MATN2: variants seen among roughly 807,000 people sequenced by gnomAD.
The protein encoded by MATN2 is matrilin 2, also known as matrilin-2.
MATN2 carries 69 observed loss-of-function variants against 103.2 expected under a neutral mutation model. That is an observed-to-expected ratio of 0.67 (90% CI 0.55 to 0.82). MATN2 has a LOEUF of 0.82. MATN2 is among the 40% of genes least tolerant of loss of function. The pLI is 0.00. For synonymous variants in MATN2, 429 were observed against 450.2 expected, an observed-to-expected ratio of 0.95 and a Z score of 0.60; for missense variants, 1,023 against 1,211.5, an observed-to-expected ratio of 0.84 and a Z score of 2.31.
intron 2 of MATN2, among the ~76,000 whole-genome samples, chr8:97,895,330 A>G (rs866349152): frequency 6.6e-6 from 1 of 152,240 alleles, no homozygotes; most frequent in Non-Finnish European, 1.5e-5. Flanking sequence ...CGTGGAAGCC[A>G]CTAGTCTTAA....
At chr8:97,878,581 C>T (rs146502372) in intron 1 of MATN2, among the ~76,000 whole-genome samples, 118 of 151,794 alleles carry the variant, frequency 7.8e-4, no homozygotes, top group South Asian at 2.7e-3. Context: ...CAGGCATGGT[C>T]GCTCATGCCT....
In MATN2 at chr8:97,875,333, G is replaced by C. The variant is rs190777738; in HGVS notation, c.-27+6046G>C. On this transcript the variant is annotated intron_variant, in intron 1 of 18. Coordinates refer to ENST00000254898, the MANE Select transcript of MATN2 (RefSeq NM_002380.5). ...TAAACTCTTCAAAATTTCTCCCGCA[G>C]CTCTCAGGTCTCTCAGTCCCTCTGT... 1.8e-3 allele frequency among the ~76,000 whole-genome samples: 269 copies of C among 152,282 alleles called. 1 individual carries two copies. The highest frequency in any genetic ancestry group is 6.1e-3 in the African/African-American group (255 of 41,550).
In MATN2 at chr8:98,007,357, G is replaced by A; in HGVS notation, c.1451-122G>A. The A allele has an allele frequency of 6.5e-7, 1 of 1,549,414 alleles. No homozygotes were observed. Among genetic ancestry groups the A allele is most frequent in the Non-Finnish European group, 8.8e-7 (1 of 1,135,104 alleles). The stretch of plus-strand genomic sequence containing the variant: ...CTTGCTCTGCTCCAGGAGATAGTGA[G>A]GATGTCCACTGGGACTGCATGCCTT... On this transcript the variant is annotated intron_variant, in intron 9 of 18. Transcript: ENST00000254898. This position sits in a 1 kb window ranked among gnomAD's most constrained non-coding sequence, Gnocchi z 4.2.
intron 15 of MATN2, 86 bp downstream of exon 15, chr8:98,030,700 TCA>T: frequency 7.5e-7 from 1 of 1,335,582 alleles, no homozygotes; most frequent in Non-Finnish European, 1.0e-6. Flanking sequence ...TCTCACTCTG[TCA>T]TCCAGGCTGG....
chr8:97,873,064 G>T (rs1817952663), intron 1 of MATN2, among the ~76,000 whole-genome samples: 1 of 152,072 alleles, frequency 6.6e-6, no homozygotes. Context: ...CAAAGTCCTG[G>T]GATCACATGC....
intron 1 of MATN2, 95 bp from the exon 2 acceptor site, chr8:97,887,980 C>A: frequency 8.1e-7 from 1 of 1,227,864 alleles, no homozygotes; most frequent in Non-Finnish European, 1.1e-6. Context: ...TCTGTTTGAA[C>A]TCTGAAAAGG....
intron 5 of MATN2, among the ~76,000 whole-genome samples, chr8:97,975,998 C>T (rs1447083305): frequency 1.3e-5 from 2 of 152,158 alleles, no homozygotes; most frequent in Non-Finnish European, 2.9e-5. Context: ...TATCCAATGA[C>T]GTTGAGATCC....
chr8:98,007,403 A>G lies in MATN2; in HGVS notation c.1451-76A>G, dbSNP rs1586150631. The G allele has an allele frequency of 3.8e-6, 6 of 1,576,976 alleles. No homozygotes were observed. The African/African-American group carries it at 5.4e-5, about 14-fold the overall frequency. On this transcript the variant is annotated intron_variant, in intron 9 of 18. Transcript: ENST00000254898. This position sits in a 1 kb window ranked among gnomAD's most constrained non-coding sequence, Gnocchi z 4.2. ...GCCTTCGAGGGAGGGCGGGGTGAGC[A>G]TGACGGTCACTTGATCCAATCACTG...
chr8:97,941,726 A>G, intron 3 of MATN2, 51 bp from the exon 4 acceptor site: 1 of 1,541,180 alleles, frequency 6.5e-7, no homozygotes, highest in South Asian at 1.2e-5. Flanking sequence ...GCTGGAATGG[A>G]GTGAGAAAGG....
intron 5 of MATN2, among the ~76,000 whole-genome samples, chr8:97,966,934 A>C (rs1811502412): frequency 6.6e-6 from 1 of 152,204 alleles, no homozygotes. Context: ...ATGATTCTGC[A>C]GGCTGTATAG....
intron 5 of MATN2, among the ~76,000 whole-genome samples, chr8:97,972,825 A>C (rs911534748): frequency 6.6e-6 from 1 of 152,206 alleles, no homozygotes; most frequent in African/African-American, 2.4e-5. Context: ...ACAGCTGGAG[A>C]ATTACTCTTT....
At chr8:98,008,052 A>T (rs149283411) in intron 10 of MATN2, among the ~76,000 whole-genome samples, 22 of 152,250 alleles carry the variant, frequency 1.4e-4, no homozygotes, top group African/African-American at 5.1e-4. Context: ...CCAGCTAGTG[A>T]GTGGTGGGTT....
chr8:97,989,067 A>G (rs111963850), intron 6 of MATN2, among the ~76,000 whole-genome samples: 2 of 152,374 alleles, frequency 1.3e-5, no homozygotes, highest in African/African-American at 4.8e-5. Flanking sequence ...AATTCATAAT[A>G]TTAACATATT....
At position 98,036,404 on chromosome 8, in the gene MATN2, G is replaced by C. The variant is rs1814250820; in HGVS notation, c.*692G>C. On this transcript the variant is annotated 3_prime_UTR_variant, in exon 19 of 19. Coordinates refer to ENST00000254898, the MANE Select transcript of MATN2 (RefSeq NM_002380.5). ...ATATTTTTTAACAAGTGTTGGTAAGGATGTGGAAATGTGAGGTTCTTGTAG... is the reference window on the plus strand; with the variant it reads ...ATATTTTTTAACAAGTGTTGGTAAGCATGTGGAAATGTGAGGTTCTTGTAG... 6.6e-6 allele frequency: 1 copy of C among 152,154 alleles called. No homozygotes were observed. The highest frequency in any genetic ancestry group is 2.4e-5 in the African/African-American group (1 of 41,408). 9.4% of individuals were successfully genotyped at this position (152,154 alleles called of 1,614,324 possible). A position where few individuals can be genotyped will look rare whatever the true frequency, so the allele number is the denominator to read the frequency against.
In MATN2 at chr8:98,007,649, G is replaced by A; in HGVS notation, c.1573+48G>A. The stretch of plus-strand genomic sequence containing the variant: ...GGACCTGCACAGGTGTTCCGTGGGT[G>A]CCGGTGTGGGTGCGCTGCCGACGTG... On this transcript the variant is annotated intron_variant, in intron 10 of 18. Coordinates refer to ENST00000254898, the MANE Select transcript of MATN2 (RefSeq NM_002380.5). The surrounding 1 kb of genome is among the most constrained non-coding windows in gnomAD (Gnocchi z 4.2). 1 of 1,578,916 alleles carries A rather than the reference G, an allele frequency of 6.3e-7. No homozygotes were observed. Among genetic ancestry groups the A allele is most frequent in the Non-Finnish European group, 8.7e-7 (1 of 1,155,176 alleles).
At chr8:98,000,279 C>T (rs1812734454) in intron 7 of MATN2, among the ~76,000 whole-genome samples, 1 of 152,004 alleles carries the variant, frequency 6.6e-6, no homozygotes, top group African/African-American at 2.4e-5. Context: ...ATTAACCTCG[C>T]TAAACCTCAA....
At chr8:97,926,525 A>T (rs1398867138) in intron 2 of MATN2, among the ~76,000 whole-genome samples, 1 of 152,202 alleles carries the variant, frequency 6.6e-6, no homozygotes, top group South Asian at 2.1e-4. Context: ...AGGTCTGACC[A>T]TGGTGAGCCA....
At position 97,933,166 on chromosome 8, in the gene MATN2, C is replaced by T. The variant is rs114570021; in HGVS notation, c.712+1644C>T. Among the ~76,000 whole-genome samples, 1,472 of 152,278 alleles carry T rather than the reference C, an allele frequency of 9.7e-3. 21 individuals carry two copies. The highest frequency in any genetic ancestry group is 0.033 in the African/African-American group (1,364 of 41,560). ...ATCAATGCCATGAAGAAAAAAAGAACCTTTTTCCTTGCCATGCCACTTGGA... is the reference window on the plus strand; with the variant it reads ...ATCAATGCCATGAAGAAAAAAAGAATCTTTTTCCTTGCCATGCCACTTGGA... On this transcript the variant is annotated intron_variant, in intron 3 of 18. Coordinates refer to ENST00000254898, the MANE Select transcript of MATN2 (RefSeq NM_002380.5).
chr8:98,003,372 T>G (rs1812849675), intron 7 of MATN2, among the ~76,000 whole-genome samples: 1 of 152,164 alleles, frequency 6.6e-6, no homozygotes, highest in South Asian at 2.1e-4. Context: ...GTGAGGCCCC[T>G]GCTCTGTGCT....
Sources: gnomAD v4.1 joint callset for allele counts (sites outside exome capture counted in the v4.1 genomes callset) on GRCh38, gnomAD v4.1.1 for gene constraint, Gnocchi (gnomAD v3.1) non-coding constraint, MANE v1.5 for transcripts, NCBI Gene and HGNC (gene_info 2026-07-23, HGNC 2026-07-21) for gene names.